The following PCMT1 variants were observed in gnomAD, a reference collection of about 807,000 sequenced individuals.
PCMT1 encodes the protein protein-L-isoaspartate (D-aspartate) O-methyltransferase, also known as protein-L-isoaspartate(D-aspartate) O-methyltransferase.
In PCMT1, 9 loss-of-function variants were observed where a neutral mutation model predicts 29.2. That is an observed-to-expected ratio of 0.31 (90% CI 0.19 to 0.54). The LOEUF (loss-of-function observed/expected upper bound fraction) is 0.54, where lower values mean the gene tolerates loss of function less well. Ranked by LOEUF, PCMT1 falls within the 20% of genes least tolerant of loss-of-function variation. The probability of loss-of-function intolerance (pLI) is 0.95; values close to 1 mark genes in which losing one functional copy is unlikely to be tolerated. For missense variants in PCMT1, 184 were observed against 282.2 expected (o/e 0.65, Z 2.49); for synonymous variants, 98 against 97.5 (o/e 1.00, Z -0.03).
intron 3 of PCMT1, among the ~76,000 whole-genome samples, chr6:149,778,869 T>G (rs1238289107): frequency 6.6e-6 from 1 of 152,166 alleles, no homozygotes; most frequent in Non-Finnish European, 1.5e-5. Context: ...AGATTAGGAA[T>G]GACTTTTTTG....
intron 1 of PCMT1, among the ~76,000 whole-genome samples, chr6:149,769,378 G>A (rs1168894632): frequency 2.2e-5 from 3 of 133,892 alleles, no homozygotes; most frequent in Non-Finnish European, 4.6e-5. Flanking sequence ...TCAGTGGCAC[G>A]ATCTCGGCTC....
chr6:149,763,501 T>G (rs889333719), intron 1 of PCMT1, among the ~76,000 whole-genome samples: 4 of 152,160 alleles, frequency 2.6e-5, no homozygotes, highest in African/African-American at 9.6e-5. Flanking sequence ...GTTCAGCTTT[T>G]TAATAAATGG....
chr6:149,770,695 G>A, intron 1 of PCMT1, among the ~76,000 whole-genome samples: 1 of 130,420 alleles, frequency 7.7e-6, no homozygotes, highest in Admixed American at 8.3e-5. Context: ...AACACAGCAA[G>A]ACTCCATCTC....
intron 3 of PCMT1, among the ~76,000 whole-genome samples, chr6:149,782,502 G>A (rs563372107): frequency 1.3e-5 from 2 of 152,296 alleles, no homozygotes; most frequent in South Asian, 4.1e-4. Flanking sequence ...AGCACACCTG[G>A]CATCCAGGTT....
At chr6:149,783,549 A>T (rs1264394488) in intron 3 of PCMT1, among the ~76,000 whole-genome samples, 14 of 152,286 alleles carry the variant, frequency 9.2e-5, no homozygotes, top group Admixed American at 2.6e-4. Flanking sequence ...CCAATATTAT[A>T]TACTTCTTAA....
intron 2 of PCMT1, among the ~76,000 whole-genome samples, chr6:149,771,690 G>A (rs1051902481): frequency 2.0e-5 from 3 of 151,950 alleles, no homozygotes; most frequent in African/African-American, 7.3e-5. Flanking sequence ...CTAATTTTTT[G>A]TATTTTAGTA....
At chr6:149,786,325 C>T (rs1328524524) in intron 3 of PCMT1, among the ~76,000 whole-genome samples, 1 of 102,840 alleles carries the variant, frequency 9.7e-6, no homozygotes, top group Non-Finnish European at 1.9e-5. Flanking sequence ...GGCTGACCCC[C>T]CCACCTCCCT....
chr6:149,766,873 T>C (rs925159273), intron 1 of PCMT1, among the ~76,000 whole-genome samples: 2 of 152,174 alleles, frequency 1.3e-5, no homozygotes, highest in African/African-American at 4.8e-5. Context: ...AATGGAATCA[T>C]GTAGTCTCCT....
At chr6:149,753,081 C>A (rs558119764) in intron 1 of PCMT1, among the ~76,000 whole-genome samples, 6 of 152,194 alleles carry the variant, frequency 3.9e-5, no homozygotes, top group African/African-American at 1.4e-4. Flanking sequence ...GTTTCAACTT[C>A]TTGCTGAGGT....
intron 3 of PCMT1, among the ~76,000 whole-genome samples, chr6:149,774,951 C>T (rs938511022): frequency 6.6e-5 from 10 of 152,092 alleles, no homozygotes; most frequent in Admixed American, 2.0e-4. Context: ...TTGTGATCCG[C>T]CCGCCTCGGC....
chr6:149,804,757 C>T (rs1775958580), intron 7 of PCMT1, among the ~76,000 whole-genome samples: 1 of 152,074 alleles, frequency 6.6e-6, no homozygotes, highest in African/African-American at 2.4e-5. Context: ...CCGCCTCGGC[C>T]TCCCAAAGTG....
At chr6:149,790,512 TTTTC>T (rs1439802290) in intron 4 of PCMT1, among the ~76,000 whole-genome samples, 1 of 112,538 alleles carries the variant, frequency 8.9e-6, no homozygotes, top group African/African-American at 4.5e-5. Context: ...CCTGGTTTTC[TTTTC>T]TTTTTTTTTT....
intron 1 of PCMT1, among the ~76,000 whole-genome samples, chr6:149,769,182 G>T (rs879146941): frequency 6.6e-6 from 1 of 151,510 alleles, no homozygotes; most frequent in South Asian, 2.1e-4. Flanking sequence ...CTACTTTTAG[G>T]CATTTTGTGG....
At chr6:149,772,597 A>T (rs1787378660) in intron 2 of PCMT1, 1 of 456,162 alleles carries the variant, frequency 2.2e-6, no homozygotes. Flanking sequence ...CGTACTTTAG[A>T]GGGACTGTTT....
chr6:149,807,435 G>A (rs1419047415), intron 7 of PCMT1, among the ~76,000 whole-genome samples: 5 of 151,986 alleles, frequency 3.3e-5, no homozygotes, highest in South Asian at 4.1e-4. Flanking sequence ...GCAGTGATGC[G>A]ATCTTGGCTC....
chr6:149,767,223 A>G (rs1360417338), intron 1 of PCMT1, among the ~76,000 whole-genome samples: 3 of 147,312 alleles, frequency 2.0e-5, no homozygotes, highest in Non-Finnish European at 4.4e-5. Flanking sequence ...AAAGAAAAAG[A>G]AATTCATTCA....
rs1429434832 is a variant in PCMT1 at position 149,762,732 on chromosome 6, A to G, written c.56-8430A>G. Reference sequence around the variant, plus strand: ...ATATATATCTATGATATATATATCTATGATATATATATATCTATGATATAT... The same window carrying G: ...ATATATATCTATGATATATATATCTGTGATATATATATATCTATGATATAT... On this transcript the variant is annotated intron_variant, in intron 1 of 7. Coordinates refer to ENST00000464889, the MANE Select transcript of PCMT1 (RefSeq NM_001360452.2). 4.5e-5 allele frequency among the ~76,000 whole-genome samples: 2 copies of G among 44,830 alleles called. 1 individual carries two copies. The highest frequency in any genetic ancestry group is 6.0e-5 in the Non-Finnish European group (2 of 33,282). The allele number at this position is 44,830 out of a possible 152,430, so 29.4% of individuals were successfully genotyped here. A position where few individuals can be genotyped will look rare whatever the true frequency, so the allele number is the denominator to read the frequency against.
At chr6:149,800,154 G>A (rs985165226) in intron 6 of PCMT1, among the ~76,000 whole-genome samples, 1 of 152,108 alleles carries the variant, frequency 6.6e-6, no homozygotes, top group Non-Finnish European at 1.5e-5. Flanking sequence ...ACCCTTTCCT[G>A]AGGTAATAAA....
chr6:149,808,214 A>T (rs1776065852), intron 7 of PCMT1, among the ~76,000 whole-genome samples: 2 of 152,084 alleles, frequency 1.3e-5, no homozygotes, highest in African/African-American at 4.8e-5. Flanking sequence ...ACTAGTAGAA[A>T]TATATACAGT....
Sources: allele counts gnomAD v4.1 joint callset (sites outside exome capture counted in the v4.1 genomes callset), GRCh38; gene constraint gnomAD v4.1.1; transcripts MANE v1.5; gene names NCBI Gene and HGNC (gene_info 2026-07-23, HGNC 2026-07-21).